Variants in CUL4A observed in about 807,000 individuals in gnomAD.
The protein encoded by CUL4A is cullin 4A.
Under a neutral mutation model 95.5 loss-of-function variants are expected in CUL4A, and 16 were observed. That is an observed-to-expected ratio of 0.17 (90% CI 0.11 to 0.25). The LOEUF is 0.25. CUL4A is among the 10% of genes least tolerant of loss of function. CUL4A has a pLI of 1.00. For synonymous variants in CUL4A, 380 were observed against 353.1 expected, an observed-to-expected ratio of 1.08 and a Z score of -0.85; for missense variants, 610 against 937.0, an observed-to-expected ratio of 0.65 and a Z score of 4.56.
rs377226697 is a variant in CUL4A, at chr13:113,243,102, G to T, written c.1170G>T (p.Met390Ile). The T allele has an allele frequency of 7.4e-6, 12 of 1,614,102 alleles. No homozygotes were observed. Among genetic ancestry groups the T allele is most frequent in the Non-Finnish European group, 1.0e-5 (12 of 1,180,032 alleles). Residue 390 changes from methionine to isoleucine, a missense_variant, in exon 11 of 20, where the codon ATG (methionine) becomes ATT (isoleucine). Met to Ile is a conservative substitution (Grantham distance 10). This residue lies in a region of CUL4A where 153 missense variants were observed against 244.5 expected (regional missense o/e 0.63). Transcript: ENST00000375440. ...AGAATGAGCGGTTCGTCAACCTGAT[G>T]AAGGAGTCCTTTGAGACGTTCATCA... ...FQKNERFVNL[M>I]KESFETFINK...
chr13:113,224,221 C>T (rs1467397258), intron 3 of CUL4A, among the ~76,000 whole-genome samples: 4 of 152,174 alleles, frequency 2.6e-5, no homozygotes, highest in East Asian at 1.9e-4. Context: ...GGCGTGGTGG[C>T]GGGCACCTGT....
chr13:113,236,280 G>A (rs2041541393), intron 8 of CUL4A, among the ~76,000 whole-genome samples: 1 of 152,188 alleles, frequency 6.6e-6, no homozygotes, highest in Non-Finnish European at 1.5e-5. Context: ...GGGCCATGTT[G>A]TGCTTCCTTC....
chr13:113,227,086 C>T (rs933338273), intron 3 of CUL4A, among the ~76,000 whole-genome samples: 13 of 152,210 alleles, frequency 8.5e-5, no homozygotes, highest in Non-Finnish European at 1.3e-4. Context: ...GAGTGGCGAG[C>T]GGCCAGAGGC....
At chr13:113,254,468 A>C (rs1045111131) in intron 16 of CUL4A, among the ~76,000 whole-genome samples, 3 of 152,048 alleles carry the variant, frequency 2.0e-5, no homozygotes, top group Non-Finnish European at 4.4e-5. Flanking sequence ...CTTGGTAGGC[A>C]CCAGTAGTCC....
At position 113,233,476 on chromosome 13, in the gene CUL4A, G is replaced by T. The variant is rs1214960473; in HGVS notation, c.675+137G>T. ...GATAGGAGAGTCTTTAAAATCCCTA[G>T]AAGGGGAATAGCGCTCAAGCTAACA... On this transcript the variant is annotated intron_variant, in intron 6 of 19. Coordinates refer to ENST00000375440, the MANE Select transcript of CUL4A (RefSeq NM_001008895.4). The T allele has an allele frequency of 3.2e-5, 26 of 819,158 alleles. No homozygotes were observed. In the East Asian group the frequency reaches 6.7e-4, roughly 21 times the overall value. 50.7% of individuals were successfully genotyped at this position (819,158 alleles called of 1,614,324 possible).
At chr13:113,215,050 A>G (rs532865384) in intron 2 of CUL4A, among the ~76,000 whole-genome samples, 7 of 146,364 alleles carry the variant, frequency 4.8e-5, no homozygotes, top group African/African-American at 7.7e-5. Context: ...CGTCTTGTCT[A>G]TGTGACTGTG....
chr13:113,253,014 C>A, intron 15 of CUL4A, 68 bp from the exon 16 acceptor site: 1 of 649,126 alleles, frequency 1.5e-6, no homozygotes, highest in Non-Finnish European at 2.7e-6. Context: ...AAACTCTGTG[C>A]ATTGAATGGG....
chr13:113,247,978 C>T (rs1243314995), intron 15 of CUL4A, among the ~76,000 whole-genome samples: 1 of 152,174 alleles, frequency 6.6e-6, no homozygotes, highest in East Asian at 1.9e-4. Flanking sequence ...TCAGGTTGGG[C>T]AGGTCCAGCC....
intron 4 of CUL4A, among the ~76,000 whole-genome samples, chr13:113,229,050 CCCAGGAG>C (rs1271187255): frequency 6.6e-6 from 1 of 152,020 alleles, no homozygotes; most frequent in Non-Finnish European, 1.5e-5. Flanking sequence ...ATGGTGTGAA[CCCAGGAG>C]GCGGAGCTTG....
intron 11 of CUL4A, 29 bp downstream of exon 11, chr13:113,243,189 T>C (rs764271331): frequency 6.4e-7 from 1 of 1,574,548 alleles, no homozygotes; most frequent in Non-Finnish European, 8.7e-7. Flanking sequence ...TTTTTGTTTG[T>C]TTGTTTTTGA....
chr13:113,256,205 G>A (rs1374780910), intron 18 of CUL4A, among the ~76,000 whole-genome samples: 2 of 152,052 alleles, frequency 1.3e-5, no homozygotes, highest in African/African-American at 4.8e-5. Context: ...CACCTGTCAG[G>A]GCCTTCCTGT....
chr13:113,248,192 G>C (rs2041904670), intron 15 of CUL4A, among the ~76,000 whole-genome samples: 1 of 152,184 alleles, frequency 6.6e-6, no homozygotes, highest in Non-Finnish European at 1.5e-5. Flanking sequence ...TCCTCATCCA[G>C]CTGTCACCTG....
intron 2 of CUL4A, among the ~76,000 whole-genome samples, chr13:113,215,780 T>TC (rs1383785648): frequency 1.0e-5 from 1 of 97,798 alleles, no homozygotes; most frequent in African/African-American, 3.2e-5. Flanking sequence ...GGAGGTCTCG[T>TC]CTGTGTGGCT....
upstream of CUL4A, chr13:113,209,016 G>GC: frequency 1.3e-6 from 1 of 753,528 alleles, no homozygotes; most frequent in Non-Finnish European, 1.6e-6. Context: ...GCTGGGCCAG[G>GC]GCCTCGGGGC....
chr13:113,243,333 C>A (rs1244674093), intron 11 of CUL4A, among the ~76,000 whole-genome samples, 173 bp downstream of exon 11: 1 of 151,850 alleles, frequency 6.6e-6, no homozygotes, highest in African/African-American at 2.4e-5. Flanking sequence ...ATTTAAAAAC[C>A]GACACACCTG....
At chr13:113,250,854 T>C (rs570767424) in intron 15 of CUL4A, among the ~76,000 whole-genome samples, 4 of 152,106 alleles carry the variant, frequency 2.6e-5, no homozygotes, top group African/African-American at 9.6e-5. Context: ...TGCCTGGGAT[T>C]TGGTGTCATT....
At chr13:113,208,701 G>A, upstream of CUL4A, 1 of 1,543,812 alleles carries the variant, frequency 6.5e-7, no homozygotes. Flanking sequence ...GTCACTTCCG[G>A]CCCTCGGTCC....
chr13:113,260,211 A>AAAAC (rs1555307266), intron 18 of CUL4A, among the ~76,000 whole-genome samples: 3 of 119,526 alleles, frequency 2.5e-5, no homozygotes, highest in African/African-American at 1.1e-4. Flanking sequence ...CTCAAAAAAA[A>AAAAC]AAAAAAAACC....
rs1429779194 is a variant in CUL4A at position 113,237,977 on chromosome 13, A to C, written c.916+1087A>C. On this transcript the variant is annotated intron_variant, in intron 9 of 19. Transcript: ENST00000375440. ...AAGAAAACCAGGGCTTAAAACAGCC[A>C]GATGTTGGTGCCTGGAATCACATTG... Among the ~76,000 whole-genome samples the C allele has an allele frequency of 2.0e-5, 3 of 152,224 alleles. No individual in the cohort carries two copies. In the East Asian group the frequency reaches 5.8e-4, roughly 29 times the overall value.
Sources: gnomAD v4.1 joint callset for allele counts (sites outside exome capture counted in the v4.1 genomes callset) on GRCh38, gnomAD v4.1.1 for gene constraint, gnomAD v4.1.1 regional missense constraint, MANE v1.5 for transcripts, NCBI Gene and HGNC (gene_info 2026-07-23, HGNC 2026-07-21) for gene names.